GOLGA1: variants seen among roughly 807,000 people sequenced by gnomAD.
GOLGA1 encodes the protein golgin A1, also known as golgin subfamily A member 1.
In GOLGA1, 63 loss-of-function variants were observed where a neutral mutation model predicts 119.7. The observed-to-expected ratio is 0.53, with a 90% CI of 0.43 to 0.65. GOLGA1 has a LOEUF of 0.65. Among genes scored for constraint, GOLGA1 ranks in the 30% least tolerant of loss-of-function variants. The pLI is 0.00. For missense variants in GOLGA1, 798 were observed against 912.8 expected (o/e 0.87, Z 1.62); for synonymous variants, 318 against 333.4 (o/e 0.95, Z 0.50).
At chr9:124,908,606 G>A in intron 11 of GOLGA1, 134 bp from the exon 12 acceptor site, 2 of 643,106 alleles carry the variant, frequency 3.1e-6, no homozygotes, top group South Asian at 1.8e-5. Context: ...TCAGCTAATT[G>A]AGAAATAATT....
At chr9:124,940,739 A>G (rs1830994443) in intron 1 of GOLGA1, among the ~76,000 whole-genome samples, 1 of 152,138 alleles carries the variant, frequency 6.6e-6, no homozygotes, top group Non-Finnish European at 1.5e-5. Context: ...TGAGCCCTAG[A>G]GAGGAGGAGC....
chr9:124,901,745 G>A (rs1359846096), intron 12 of GOLGA1, among the ~76,000 whole-genome samples: 4 of 152,146 alleles, frequency 2.6e-5, no homozygotes, highest in African/African-American at 4.8e-5. Context: ...GCTAATTTTT[G>A]TATTTTTAAT....
rs16927704 is a variant in GOLGA1, at chr9:124,888,352, A to G, written c.1806T>C (p.Thr602=). The part of the protein sequence containing the change: ...AMQDPVFQLP[T]AGRTPNGEVG... ...CCTCACCATTTGGTGTTCTTCCTGCAGTTGGAAGCTGGAACACAGGGTCCT... is the reference window on the plus strand; with the variant it reads ...CCTCACCATTTGGTGTTCTTCCTGCGGTTGGAAGCTGGAACACAGGGTCCT... Residue 602 remains threonine, a synonymous_variant, in exon 19 of 23, where the codon ACT becomes ACC. Transcript: ENST00000373555. The surrounding 1 kb of genome is among the most constrained non-coding windows in gnomAD (Gnocchi z 4.4). 1.2e-6 allele frequency: 2 copies of G among 1,613,306 alleles called. No individual in the cohort carries two copies. Among genetic ancestry groups the G allele is most frequent in the Admixed American group, 1.7e-5 (1 of 59,996 alleles).
At chr9:124,937,152 T>C (rs1830889619) in intron 3 of GOLGA1, among the ~76,000 whole-genome samples, 1 of 152,136 alleles carries the variant, frequency 6.6e-6, no homozygotes, top group Non-Finnish European at 1.5e-5. Flanking sequence ...GCATTATAAA[T>C]GAGTTTTAAA....
At chr9:124,886,077 A>G (rs1215905581) in intron 19 of GOLGA1, among the ~76,000 whole-genome samples, 1 of 152,232 alleles carries the variant, frequency 6.6e-6, no homozygotes, top group Non-Finnish European at 1.5e-5. Flanking sequence ...GAGATGGGAA[A>G]GGTGGCATGG....
At chr9:124,942,838 C>A (rs1831080173), upstream of GOLGA1, 1 of 152,178 alleles carries the variant, frequency 6.6e-6, no homozygotes, top group African/African-American at 2.4e-5. Context: ...TCCTCTAGTA[C>A]TGAAGTGCCC....
At chr9:124,939,546 CTTTCTTTTTTTTTTTTTTTTT>C (rs1830954020) in intron 2 of GOLGA1, among the ~76,000 whole-genome samples, 1 of 40,010 alleles carries the variant, frequency 2.5e-5, no homozygotes, top group African/African-American at 1.1e-4. Context: ...TATTTTCTTT[CTTTCTTTTTTTTTTTTTTTTT>C]TTTTTTTTTT....
intron 15 of GOLGA1, among the ~76,000 whole-genome samples, chr9:124,893,145 G>A (rs564114166): frequency 6.6e-6 from 1 of 152,220 alleles, no homozygotes; most frequent in African/African-American, 2.4e-5. Flanking sequence ...GACTACAGGT[G>A]TATGCCTTGA....
chr9:124,923,590 T>C (rs1458904897), intron 7 of GOLGA1, among the ~76,000 whole-genome samples: 1 of 152,198 alleles, frequency 6.6e-6, no homozygotes, highest in Non-Finnish European at 1.5e-5. Flanking sequence ...TAATTCTTTA[T>C]TTAAAAATAA....
chr9:124,913,081 T>A (rs1588081292), intron 10 of GOLGA1, among the ~76,000 whole-genome samples: 1 of 152,084 alleles, frequency 6.6e-6, no homozygotes. Flanking sequence ...GGAAGCAAGG[T>A]ACATCTTACA....
intron 4 of GOLGA1, 73 bp from the exon 5 acceptor site, chr9:124,929,363 A>G (rs1335666336): frequency 3.4e-6 from 3 of 880,970 alleles, no homozygotes; most frequent in Non-Finnish European, 5.8e-6. Flanking sequence ...AAACAAAAAA[A>G]TGAATGGAAA....
At chr9:124,894,936 TC>T (rs1326702190) in intron 15 of GOLGA1, among the ~76,000 whole-genome samples, 1 of 73,960 alleles carries the variant, frequency 1.4e-5, no homozygotes. Context: ...ACAGAGACCC[TC>T]CACAACAGAG....
rs1299467650 is a variant in GOLGA1, at chr9:124,879,839, AAAAAGG to A, written c.*685_*690del. On this transcript the variant is annotated 3_prime_UTR_variant, in exon 23 of 23. Coordinates refer to ENST00000373555, the MANE Select transcript of GOLGA1 (RefSeq NM_002077.4). ...CCTATCCAAGACAAGTACATTCATTAAAAAGGCAATTGAGTGTATTTGGTACTAAGG... is the reference window on the plus strand; with the variant it reads ...CCTATCCAAGACAAGTACATTCATTACAATTGAGTGTATTTGGTACTAAGG... The A allele has an allele frequency of 6.6e-6, 1 of 152,626 alleles. No individual in the cohort carries two copies. The highest frequency in any genetic ancestry group is 1.5e-5 in the Non-Finnish European group (1 of 68,042). 9.5% of individuals were successfully genotyped at this position (152,626 alleles called of 1,614,324 possible). A position where few individuals can be genotyped will look rare whatever the true frequency, so the allele number is the denominator to read the frequency against.
intron 19 of GOLGA1, chr9:124,887,286 G>A (rs897121265): frequency 6.6e-6 from 1 of 152,390 alleles, no homozygotes; most frequent in Non-Finnish European, 1.5e-5. Context: ...GGTGACACTA[G>A]GGAAAAAAGC....
intron 1 of GOLGA1, 29 bp from the exon 2 acceptor site, chr9:124,940,184 G>C (rs981914941): frequency 6.6e-6 from 1 of 152,150 alleles, no homozygotes; most frequent in African/African-American, 2.4e-5. Context: ...AAAATGCATT[G>C]GGTATTTCTT....
upstream of GOLGA1, chr9:124,943,565 T>A (rs191921762): frequency 2.4e-4 from 36 of 152,294 alleles, no homozygotes; most frequent in Admixed American, 1.7e-3. Flanking sequence ...TCTATAACAT[T>A]TCAGTTACAG....
chr9:124,923,754 G>C (rs571049544), intron 7 of GOLGA1, among the ~76,000 whole-genome samples: 10 of 151,938 alleles, frequency 6.6e-5, no homozygotes, highest in African/African-American at 1.9e-4. Flanking sequence ...CTCTCAAAGT[G>C]TTGATAGATA....
At chr9:124,911,342 G>A (rs1050219819) in intron 11 of GOLGA1, among the ~76,000 whole-genome samples, 1 of 152,234 alleles carries the variant, frequency 6.6e-6, no homozygotes, top group Admixed American at 6.5e-5. Flanking sequence ...GGAGCCTCAT[G>A]ACCTGGGCTT....
At chr9:124,906,900 T>C (rs998302727) in intron 12 of GOLGA1, among the ~76,000 whole-genome samples, 3 of 152,148 alleles carry the variant, frequency 2.0e-5, no homozygotes, top group African/African-American at 7.2e-5. Flanking sequence ...AAATGGAATA[T>C]ATTTACATTG....
Sources: allele counts gnomAD v4.1 joint callset (sites outside exome capture counted in the v4.1 genomes callset), GRCh38; gene constraint gnomAD v4.1.1; non-coding constraint Gnocchi (gnomAD v3.1); transcripts MANE v1.5; gene names NCBI Gene and HGNC (gene_info 2026-07-23, HGNC 2026-07-21).